Variants in AVEN observed in about 807,000 individuals in gnomAD.
AVEN encodes the protein cell death regulator Aven.
A neutral mutation model predicts 38.1 loss-of-function variants in AVEN; 41 were observed. That is an observed-to-expected ratio of 1.08 (90% CI 0.84 to 1.40). AVEN has a LOEUF of 1.40. AVEN is among the 40% of genes most tolerant of loss of function. The probability of loss-of-function intolerance (pLI) is 0.00; values close to 1 mark genes in which losing one functional copy is unlikely to be tolerated. For synonymous variants in AVEN, 206 were observed against 171.8 expected (o/e 1.20, Z -1.56); for missense variants, 605 against 438.8 (o/e 1.38, Z -3.38).
chr15:33,944,701 C>T (rs753020402), intron 2 of AVEN, among the ~76,000 whole-genome samples: 10 of 151,440 alleles, frequency 6.6e-5, no homozygotes, highest in Non-Finnish European at 1.3e-4. Context: ...CCCAGCTACT[C>T]GGGAGGCTGA....
chr15:33,999,191 T>C (rs557135773), intron 2 of AVEN, among the ~76,000 whole-genome samples: 4 of 152,228 alleles, frequency 2.6e-5, no homozygotes, highest in Non-Finnish European at 4.4e-5. Flanking sequence ...AGAATGTTTA[T>C]TCCTCTGACT....
At chr15:34,022,890 T>C (rs1898266030) in intron 1 of AVEN, among the ~76,000 whole-genome samples, 1 of 152,158 alleles carries the variant, frequency 6.6e-6, no homozygotes, top group Non-Finnish European at 1.5e-5. Context: ...CAAAGCCAGA[T>C]AGAAAAGAAC....
chr15:33,898,055 G>A (rs566969457), intron 2 of AVEN, among the ~76,000 whole-genome samples: 1 of 152,214 alleles, frequency 6.6e-6, no homozygotes, highest in African/African-American at 2.4e-5. Context: ...TGGGCGTGGT[G>A]GTGGGCACCT....
At chr15:33,969,432 T>C (rs986011924) in intron 2 of AVEN, among the ~76,000 whole-genome samples, 3 of 151,888 alleles carry the variant, frequency 2.0e-5, no homozygotes, top group Non-Finnish European at 2.9e-5. Flanking sequence ...TTGAAAAAAA[T>C]GCATGAAGAG....
At chr15:33,878,313 T>A (rs1189826449) in intron 2 of AVEN, among the ~76,000 whole-genome samples, 1 of 152,158 alleles carries the variant, frequency 6.6e-6, no homozygotes, top group Non-Finnish European at 1.5e-5. Context: ...GGATAGCCAC[T>A]GGTGAAAAAC....
chr15:34,049,915 T>C (rs1899873377), intron 5 of AVEN, among the ~76,000 whole-genome samples: 1 of 144,382 alleles, frequency 6.9e-6, no homozygotes, highest in Non-Finnish European at 1.5e-5. Flanking sequence ...TGAGACAGGA[T>C]CTCACTCCAT....
chr15:34,020,823 C>G (rs1284479094), intron 1 of AVEN, among the ~76,000 whole-genome samples: 2 of 152,116 alleles, frequency 1.3e-5, no homozygotes, highest in African/African-American at 4.8e-5. Flanking sequence ...AGAAAAGGGC[C>G]AAACTCCAGC....
downstream of AVEN, chr15:33,865,222 G>T: frequency 6.2e-7 from 1 of 1,610,502 alleles, no homozygotes; most frequent in Non-Finnish European, 8.5e-7. Flanking sequence ...GATCAGCTTG[G>T]ATAAATCTGA....
At chr15:33,891,814 C>T (rs1385969296) in intron 2 of AVEN, among the ~76,000 whole-genome samples, 1 of 152,162 alleles carries the variant, frequency 6.6e-6, no homozygotes, top group Non-Finnish European at 1.5e-5. Context: ...CACTGTCTTC[C>T]ACAATGGTGG....
In AVEN at chr15:33,870,816, GA is replaced by G. The variant is rs1241604289; in HGVS notation, c.612+118del. ...ACTTTACAAAATGCTACCTTGATAT[GA>G]AACCCTCACTTTTATAAAGGGAAGC... On this transcript the variant is annotated intron_variant, in intron 4 of 5. Coordinates refer to ENST00000306730, the MANE Select transcript of AVEN (RefSeq NM_020371.3). The G allele has an allele frequency of 9.3e-6, 6 of 644,792 alleles. No individual in the cohort carries two copies. The African/African-American group carries it at 1.1e-4, about 12-fold the overall frequency. The allele number at this position is 644,792 out of a possible 1,614,324, so 39.9% of individuals were successfully genotyped here.
Position 33,867,549 on chromosome 15 carries a change from T to A in AVEN, c.919A>T (p.Thr307Ser). Residue 307 changes from threonine to serine, a missense_variant, in exon 5 of 6, where the codon ACG (threonine) becomes TCG (serine). Thr to Ser is a moderately conservative substitution (Grantham distance 58). Transcript: ENST00000306730. ...KEGDNILPDQ[T>S]SQDLKSKEDG... is the part of the protein sequence containing the mutation. ...TCCTTGGATTTCAGGTCCTGAGACG[T>A]CTGATCTGGTAAGATGTTATCTCCC... 1 of 1,612,186 alleles carries A rather than the reference T, an allele frequency of 6.2e-7. No individual in the cohort carries two copies. The highest frequency in any genetic ancestry group is 1.7e-4 in the Middle Eastern group (1 of 6,050).
intron 2 of AVEN, among the ~76,000 whole-genome samples, chr15:33,890,537 G>A (rs985478267): frequency 1.3e-5 from 2 of 152,138 alleles, no homozygotes; most frequent in Non-Finnish European, 2.9e-5. Context: ...TTACTTTCAT[G>A]AAGCTTGCCA....
chr15:33,888,021 T>C (rs1567397148), intron 2 of AVEN, among the ~76,000 whole-genome samples: 1 of 151,966 alleles, frequency 6.6e-6, no homozygotes, highest in Non-Finnish European at 1.5e-5. Context: ...TCCCACATAC[T>C]ACCAATATAA....
Position 34,063,985 on chromosome 15 carries a change from G to A in AVEN, n.1127-553C>T, listed in dbSNP as rs776403246. 2.5e-6 allele frequency: 4 copies of A among 1,613,992 alleles called. No homozygotes were observed. The highest frequency in any genetic ancestry group is 8.5e-7 in the Non-Finnish European group (1 of 1,180,024). ...ACGAAAGGCCTCAATCCCAACCCCA[G>A]CCATCAAATGACCAAACGAAAGAGA... On this transcript the variant is annotated intron_variant and non_coding_transcript_variant, in intron 4 of 11. Transcript: ENST00000675287. This position sits in a 1 kb window ranked among gnomAD's most constrained non-coding sequence, Gnocchi z 4.1.
rs1400761524 is a variant in AVEN, at chr15:33,867,506, T to C, written c.962A>G (p.Gln321Arg). The C allele has an allele frequency of 7.6e-6, 12 of 1,576,480 alleles. No homozygotes were observed. Among genetic ancestry groups the C allele is most frequent in the Non-Finnish European group, 9.4e-6 (11 of 1,165,122 alleles). The change falls in exon 5 of 6, where the codon CAA becomes CGA. Residue 321 changes from glutamine to arginine, a missense_variant. By Grantham distance (43) the Gln-to-Arg change is conservative. Coordinates refer to ENST00000306730, the MANE Select transcript of AVEN (RefSeq NM_020371.3). ...AATGAAAGCCATACCTTCTTCCTCT[T>C]GGACCACCTCCCCATCTTCCTTGGA... ...LKSKEDGEVV[Q>R]EEEVCAKPSV...
chr15:33,933,524 CAGAGAGAGAGAGAGAGAG>C (rs3086294), intron 2 of AVEN, among the ~76,000 whole-genome samples: 1,451 of 46,500 alleles, frequency 0.031, 74 homozygotes, highest in African/African-American at 0.088. Flanking sequence ...CACACACACA[CAGAGAGAGAGAGAGAGAG>C]AGAGAGAGAG....
intron 2 of AVEN, among the ~76,000 whole-genome samples, chr15:33,961,696 C>A (rs1895183175): frequency 6.6e-6 from 1 of 150,674 alleles, no homozygotes; most frequent in East Asian, 2.0e-4. Flanking sequence ...ACCTGTAGTC[C>A]CAGCTACTCG....
intron 5 of AVEN, 44 bp from the exon 6 acceptor site, chr15:33,866,772 A>AAATTG: frequency 7.2e-7 from 1 of 1,395,742 alleles, no homozygotes; most frequent in Non-Finnish European, 1.0e-6. Context: ...ATGAGTCCTA[A>AAATTG]AATTGAAGGT....
intron 5 of AVEN, among the ~76,000 whole-genome samples, chr15:34,055,777 G>A (rs1435431623): frequency 1.3e-5 from 2 of 152,070 alleles, no homozygotes; most frequent in African/African-American, 4.8e-5. Context: ...CTCCAGCCTG[G>A]GCGACGGAGC....
Sources: gnomAD v4.1 joint callset for allele counts (sites outside exome capture counted in the v4.1 genomes callset) on GRCh38, gnomAD v4.1.1 for gene constraint, Gnocchi (gnomAD v3.1) non-coding constraint, MANE v1.5 for transcripts, NCBI Gene and HGNC (gene_info 2026-07-23, HGNC 2026-07-21) for gene names.